KIF26B: variants seen among roughly 807,000 people sequenced by gnomAD.
The protein encoded by KIF26B is kinesin family member 26B, also known as kinesin-like protein KIF26B.
A neutral mutation model predicts 151.2 loss-of-function variants in KIF26B; 63 were observed. The ratio of observed to expected loss-of-function variants is 0.42; its 90% CI spans 0.34 to 0.51. KIF26B has a LOEUF of 0.51. Ranked by LOEUF, KIF26B falls within the 20% of genes least tolerant of loss-of-function variation. KIF26B has a pLI of 0.07. For synonymous variants in KIF26B, 1,357 were observed against 1,262.1 expected (o/e 1.08, Z -1.59); for missense variants, 2,813 against 2,913.6 (o/e 0.97, Z 0.79).
intron 4 of KIF26B, among the ~76,000 whole-genome samples, chr1:245,461,323 T>C (rs1310397027): frequency 6.6e-6 from 1 of 151,704 alleles, no homozygotes; most frequent in Non-Finnish European, 1.5e-5. Context: ...TTTCAGGGTC[T>C]CTCTCTGTCA....
intron 4 of KIF26B, among the ~76,000 whole-genome samples, chr1:245,484,767 A>ATATTATTATTATTAT (rs771748723): frequency 0.036 from 4,791 of 134,198 alleles, 107 homozygotes; most frequent in East Asian, 0.059. Flanking sequence ...CTTCTTCTTC[A>ATATTATTATTATTAT]TATTATTATT....
intron 2 of KIF26B, among the ~76,000 whole-genome samples, chr1:245,320,822 C>T (rs929826450): frequency 3.3e-5 from 5 of 152,180 alleles, no homozygotes; most frequent in African/African-American, 1.2e-4. Context: ...GGATTACAGA[C>T]ACACGCCACC....
chr1:245,417,575 A>T (rs1674451099), intron 3 of KIF26B, among the ~76,000 whole-genome samples: 1 of 152,254 alleles, frequency 6.6e-6, no homozygotes. Flanking sequence ...TCTCATGCTC[A>T]CTAATCCCTG....
rs897984076 is a variant in KIF26B at position 245,352,834 on chromosome 1, C to T, written c.466-14000C>T. On this transcript the variant is annotated intron_variant, in intron 2 of 14. Transcript: ENST00000407071. The surrounding 1 kb of genome is among the most constrained non-coding windows in gnomAD (Gnocchi z 5.0). ...AGTGGTTTCTTCCTAAAGAGATGTACACGTGTGTGTGTGTGTGTGTGTGGT... is the reference window on the plus strand; with the variant it reads ...AGTGGTTTCTTCCTAAAGAGATGTATACGTGTGTGTGTGTGTGTGTGTGGT... Among the ~76,000 whole-genome samples the T allele has an allele frequency of 1.3e-5, 2 of 149,116 alleles. No homozygotes were observed. The highest frequency in any genetic ancestry group is 2.5e-5 in the African/African-American group (1 of 39,382).
chr1:245,173,533 G>A (rs984670390), intron 2 of KIF26B, among the ~76,000 whole-genome samples: 3 of 152,070 alleles, frequency 2.0e-5, no homozygotes, highest in African/African-American at 4.8e-5. Flanking sequence ...GCAGTCTCAC[G>A]TTTGATCCAC....
intron 3 of KIF26B, among the ~76,000 whole-genome samples, chr1:245,377,546 A>C (rs1226656064): frequency 6.6e-6 from 1 of 152,238 alleles, no homozygotes; most frequent in African/African-American, 2.4e-5. Context: ...AATTTCTGCA[A>C]TTACTTTTGC....
At chr1:245,242,931 T>A (rs1270889377) in intron 2 of KIF26B, among the ~76,000 whole-genome samples, 1 of 152,190 alleles carries the variant, frequency 6.6e-6, no homozygotes, top group East Asian at 1.9e-4. Flanking sequence ...ATTACAGGCA[T>A]GAGCCACCGC....
chr1:245,390,935 A>AAC (rs1553270112), intron 3 of KIF26B, among the ~76,000 whole-genome samples: 1 of 144,878 alleles, frequency 6.9e-6, no homozygotes, highest in Non-Finnish European at 1.5e-5. Context: ...AAAAAAAAAA[A>AAC]AAAAAAAAAA....
chr1:245,186,872 T>C (rs77658851), intron 2 of KIF26B, among the ~76,000 whole-genome samples: 1 of 152,160 alleles, frequency 6.6e-6, no homozygotes, highest in African/African-American at 2.4e-5. Context: ...TCTTTTTTTT[T>C]CTGAGACAGA....
intron 4 of KIF26B, among the ~76,000 whole-genome samples, chr1:245,489,972 G>T (rs984524547): frequency 2.0e-5 from 3 of 152,200 alleles, no homozygotes; most frequent in Admixed American, 2.0e-4. Context: ...TAAGGAACAT[G>T]CCCAAGCATT....
intron 4 of KIF26B, among the ~76,000 whole-genome samples, chr1:245,539,642 T>A (rs775335860): frequency 2.0e-5 from 3 of 152,162 alleles, no homozygotes; most frequent in Non-Finnish European, 2.9e-5. Flanking sequence ...TGTGATAAGA[T>A]GATCATGGAT....
At chr1:245,513,962 G>A (rs1660893318) in intron 4 of KIF26B, among the ~76,000 whole-genome samples, 1 of 152,176 alleles carries the variant, frequency 6.6e-6, no homozygotes, top group African/African-American at 2.4e-5. Flanking sequence ...GTGGCACGCT[G>A]AAAGAATGCA....
chr1:245,463,975 C>T (rs1659709111), intron 4 of KIF26B, among the ~76,000 whole-genome samples: 2 of 152,068 alleles, frequency 1.3e-5, no homozygotes, highest in South Asian at 2.1e-4. Context: ...GCCGCTTTGC[C>T]ACAGAGCTTT....
intron 5 of KIF26B, among the ~76,000 whole-genome samples, chr1:245,574,751 G>A (rs1346569374): frequency 6.6e-6 from 1 of 152,090 alleles, no homozygotes. Context: ...TGGCTTCTCT[G>A]TTGCCCCAAG....
At chr1:245,616,924 G>C (rs2043597356) in intron 9 of KIF26B, among the ~76,000 whole-genome samples, 1 of 152,066 alleles carries the variant, frequency 6.6e-6, no homozygotes, top group Non-Finnish European at 1.5e-5. Flanking sequence ...AATGACACCG[G>C]GTCTCTGATT....
chr1:245,552,122 G>GATGTGTGTGTGTGTGTGTGT lies in KIF26B; in HGVS notation c.1350+11172_1350+11173insATGTGTGTGTGTGTGTGTGT, dbSNP rs1553287299. Among the ~76,000 whole-genome samples, 94 of 131,704 alleles carry GATGTGTGTGTGTGTGTGTGT rather than the reference G, an allele frequency of 7.1e-4. 6 individuals carry two copies. Among genetic ancestry groups the GATGTGTGTGTGTGTGTGTGT allele is most frequent in the Non-Finnish European group, 1.1e-3 (68 of 61,542 alleles). 86.4% of individuals were successfully genotyped at this position (131,704 alleles called of 152,430 possible). ...TTCTCCAGAGAAACAGAACCAGCAG[G>GATGTGTGTGTGTGTGTGTGT]GTGTGTGTGTGTGTGTGTGTGTGTG... On this transcript the variant is annotated intron_variant, in intron 5 of 14. Transcript: ENST00000407071.
At position 245,702,560 on chromosome 1, in the gene KIF26B, A is replaced by G. The variant is rs778038920; in HGVS notation, c.6281A>G (p.His2094Arg). 1.2e-5 allele frequency: 19 copies of G among 1,613,774 alleles called. No individual in the cohort carries two copies. The highest frequency in any genetic ancestry group is 1.6e-5 in the Non-Finnish European group (19 of 1,179,884). ...AGCCGTGTCAACTTCTGCAAGGCCC[A>G]TCTCATGATGATCACCTGCTTCGAC... is the stretch of plus-strand genomic sequence containing the variant. Reference protein sequence around the residue: ...LESRVNFCKAHLMMITCFDIT... With the variant: ...LESRVNFCKARLMMITCFDIT... Residue 2094 changes from histidine (H) to arginine (R), a missense_variant, in exon 15 of 15, where the codon CAT (histidine) becomes CGT (arginine). Physicochemically the swap from His to Arg is conservative, Grantham distance 29 (BLOSUM62 0). This residue lies in a region of KIF26B where 2,060 missense variants were observed against 2,088.6 expected (regional missense o/e 0.99). Transcript: ENST00000407071. The surrounding 1 kb of genome is among the most constrained non-coding windows in gnomAD (Gnocchi z 4.1).
At chr1:245,679,037 T>C (rs146791932) in intron 10 of KIF26B, among the ~76,000 whole-genome samples, 145 of 152,128 alleles carry the variant, frequency 9.5e-4, no homozygotes, top group African/African-American at 3.4e-3. Context: ...GGTGGTTCAG[T>C]GTCTGGGATG....
intron 4 of KIF26B, among the ~76,000 whole-genome samples, chr1:245,434,966 C>A (rs1006944675): frequency 4.9e-5 from 7 of 143,688 alleles, no homozygotes; most frequent in African/African-American, 1.8e-4. Flanking sequence ...GAAGTATATG[C>A]TCTTTTGTCC....
Sources: gnomAD v4.1 joint callset for allele counts (sites outside exome capture counted in the v4.1 genomes callset) on GRCh38, gnomAD v4.1.1 for gene constraint, gnomAD v4.1.1 regional missense constraint, Gnocchi (gnomAD v3.1) non-coding constraint, MANE v1.5 for transcripts, NCBI Gene and HGNC (gene_info 2026-07-23, HGNC 2026-07-21) for gene names.